The following SIPA1L1 variants were observed in gnomAD, a reference collection of about 807,000 sequenced individuals.
The protein encoded by SIPA1L1 is signal-induced proliferation-associated 1-like protein 1.
Under a neutral mutation model 162.7 loss-of-function variants are expected in SIPA1L1, and 26 were observed. The ratio of observed to expected loss-of-function variants is 0.16; its 90% CI spans 0.12 to 0.22. The LOEUF is 0.22. Ranked by LOEUF, SIPA1L1 falls within the 10% of genes least tolerant of loss-of-function variation. The pLI, the probability that SIPA1L1 is intolerant of heterozygous loss-of-function variation, is 1.00. For missense variants in SIPA1L1, 1,874 were observed against 2,241.0 expected (o/e 0.84, Z 3.31); for synonymous variants, 829 against 837.4 (o/e 0.99, Z 0.17).
intron 4 of SIPA1L1, among the ~76,000 whole-genome samples, chr14:71,535,981 C>G (rs2053861924): frequency 6.6e-6 from 1 of 152,178 alleles, no homozygotes; most frequent in African/African-American, 2.4e-5. Context: ...TGATGTCCCT[C>G]TTCTTCTGTC....
intron 2 of SIPA1L1, among the ~76,000 whole-genome samples, chr14:71,442,087 G>A (rs1010748756): frequency 4.0e-5 from 6 of 150,072 alleles, no homozygotes; most frequent in Non-Finnish European, 7.4e-5. Context: ...GCAGGGGAAT[G>A]GCTTGAACCT....
chr14:71,722,644 C>A (rs950245536), intron 17 of SIPA1L1, among the ~76,000 whole-genome samples: 2 of 152,162 alleles, frequency 1.3e-5, no homozygotes, highest in Non-Finnish European at 2.9e-5. Context: ...CTAAAACTCT[C>A]ATCCCTTATT....
intron 2 of SIPA1L1, among the ~76,000 whole-genome samples, chr14:71,416,720 T>TAC (rs3085177): frequency 0.092 from 13,631 of 147,494 alleles, 658 homozygotes; most frequent in East Asian, 0.12. Flanking sequence ...AAGAAAAATC[T>TAC]ACACACACAC....
chr14:71,561,705 A>G (rs2056808801), intron 4 of SIPA1L1, among the ~76,000 whole-genome samples: 1 of 152,192 alleles, frequency 6.6e-6, no homozygotes, highest in African/African-American at 2.4e-5. Context: ...CTCCTGCCTC[A>G]GCCTCCCAAG....
intron 17 of SIPA1L1, among the ~76,000 whole-genome samples, chr14:71,718,359 T>C (rs1477454518): frequency 6.6e-6 from 1 of 152,266 alleles, no homozygotes; most frequent in Non-Finnish European, 1.5e-5. Flanking sequence ...TAAATGGGGC[T>C]GTCTCAATTA....
At chr14:71,566,104 A>T (rs2030492123) in intron 4 of SIPA1L1, among the ~76,000 whole-genome samples, 1 of 152,168 alleles carries the variant, frequency 6.6e-6, no homozygotes, top group Admixed American at 6.5e-5. Flanking sequence ...CAGTAAGATT[A>T]CTAGATATGA....
chr14:71,339,038 C>G (rs2035378040), intron 2 of SIPA1L1, among the ~76,000 whole-genome samples: 1 of 152,076 alleles, frequency 6.6e-6, no homozygotes, highest in Admixed American at 6.6e-5. Flanking sequence ...CTGTGCATGG[C>G]CAGATTACCA....
chr14:71,724,868 A>G, intron 19 of SIPA1L1, 33 bp downstream of exon 19: 1 of 1,593,612 alleles, frequency 6.3e-7, no homozygotes, highest in Non-Finnish European at 8.6e-7. Context: ...GATGGCAATT[A>G]GAAACAAGCC....
At chr14:71,624,497 C>T (rs765930380) in intron 7 of SIPA1L1, among the ~76,000 whole-genome samples, 2 of 152,006 alleles carry the variant, frequency 1.3e-5, no homozygotes, top group African/African-American at 2.4e-5. Context: ...TCCATATGTA[C>T]GGTAAGTTTT....
chr14:71,709,700 A>C, intron 17 of SIPA1L1, 36 bp downstream of exon 17: 1 of 1,571,616 alleles, frequency 6.4e-7, no homozygotes, highest in East Asian at 2.2e-5. Flanking sequence ...TTCCCAGCCC[A>C]GACCTAAGCC....
chr14:71,675,386 A>G (rs1016969992), intron 12 of SIPA1L1, among the ~76,000 whole-genome samples: 1 of 152,086 alleles, frequency 6.6e-6, no homozygotes, highest in Non-Finnish European at 1.5e-5. Flanking sequence ...TACAGTTTCC[A>G]TCTGAAAAGC....
chr14:71,457,760 A>G (rs1422006551), intron 2 of SIPA1L1, among the ~76,000 whole-genome samples: 3 of 150,910 alleles, frequency 2.0e-5, no homozygotes, highest in East Asian at 1.9e-4. Flanking sequence ...ACACCCAACT[A>G]ATTTTTTGTA....
chr14:71,458,828 T>C (rs1377129526), intron 2 of SIPA1L1, among the ~76,000 whole-genome samples: 2 of 152,062 alleles, frequency 1.3e-5, no homozygotes, highest in Non-Finnish European at 2.9e-5. Context: ...CCTGTCACTT[T>C]GGGAGGCCAA....
At chr14:71,455,940 A>T (rs1179096395) in intron 2 of SIPA1L1, among the ~76,000 whole-genome samples, 1 of 152,132 alleles carries the variant, frequency 6.6e-6, no homozygotes. Flanking sequence ...GGTTGGTTTG[A>T]CATCTTAACT....
chr14:71,409,422 G>C (rs1412563551), intron 2 of SIPA1L1, among the ~76,000 whole-genome samples: 1 of 152,176 alleles, frequency 6.6e-6, no homozygotes, highest in Non-Finnish European at 1.5e-5. Flanking sequence ...CACAGGTAGG[G>C]AAGGCATTAT....
Position 71,635,026 on chromosome 14 carries a change from C to A in SIPA1L1, c.1818+10790C>A, listed in dbSNP as rs145156398. 7.2e-3 allele frequency among the ~76,000 whole-genome samples: 1,101 copies of A among 152,022 alleles called. 12 individuals are homozygous for A. Among genetic ancestry groups the A allele is most frequent in the Non-Finnish European group, 9.0e-3 (614 of 67,994 alleles). ...GGCACGGTGGCTCACACCTGTAATCCCAGCACTTTGAGAGGCCGAGGCGGG... is the reference window on the plus strand; with the variant it reads ...GGCACGGTGGCTCACACCTGTAATCACAGCACTTTGAGAGGCCGAGGCGGG... On this transcript the variant is annotated intron_variant, in intron 7 of 23. Coordinates refer to ENST00000381232, the MANE Select transcript of SIPA1L1 (RefSeq NM_001386936.1).
At chr14:71,478,917 A>C (rs1306528586) in intron 2 of SIPA1L1, among the ~76,000 whole-genome samples, 1 of 151,766 alleles carries the variant, frequency 6.6e-6, no homozygotes, top group African/African-American at 2.4e-5. Context: ...GTCCACCACC[A>C]CCTTGGAATT....
intron 2 of SIPA1L1, among the ~76,000 whole-genome samples, chr14:71,374,095 C>A (rs1045011988): frequency 6.6e-6 from 1 of 152,102 alleles, no homozygotes; most frequent in Non-Finnish European, 1.5e-5. Context: ...AGCCAAAGAA[C>A]TGAAATAGAA....
At chr14:71,673,931 AT>A (rs1167471020) in intron 12 of SIPA1L1, among the ~76,000 whole-genome samples, 1 of 152,182 alleles carries the variant, frequency 6.6e-6, no homozygotes, top group Non-Finnish European at 1.5e-5. Flanking sequence ...CTGAACTGTG[AT>A]TTAAAAAATA....
Sources: gnomAD v4.1 joint callset for allele counts (sites outside exome capture counted in the v4.1 genomes callset) on GRCh38, gnomAD v4.1.1 for gene constraint, MANE v1.5 for transcripts, NCBI Gene and HGNC (gene_info 2026-07-23, HGNC 2026-07-21) for gene names.